Variants in PDE3B observed in about 807,000 individuals in gnomAD.
The protein encoded by PDE3B is cGMP-inhibited 3',5'-cyclic phosphodiesterase 3B.
PDE3B carries 66 observed loss-of-function variants against 116.8 expected under a neutral mutation model. The ratio of observed to expected loss-of-function variants is 0.56; its 90% CI spans 0.46 to 0.69. The LOEUF (loss-of-function observed/expected upper bound fraction) is 0.69, where lower values mean the gene tolerates loss of function less well. Among genes scored for constraint, PDE3B ranks in the 30% least tolerant of loss-of-function variants. The pLI is 0.00. For synonymous variants in PDE3B, 595 were observed against 533.6 expected, an observed-to-expected ratio of 1.12 and a Z score of -1.59; for missense variants, 1,384 against 1,368.1, an observed-to-expected ratio of 1.01 and a Z score of -0.18.
intron 1 of PDE3B, among the ~76,000 whole-genome samples, chr11:14,654,479 T>C (rs936200912): frequency 6.6e-6 from 1 of 152,024 alleles, no homozygotes; most frequent in Non-Finnish European, 1.5e-5. Flanking sequence ...AAGTGCAAGC[T>C]AAAACAATTT....
At chr11:14,729,497 T>C (rs781517153) in intron 1 of PDE3B, among the ~76,000 whole-genome samples, 1 of 152,214 alleles carries the variant, frequency 6.6e-6, no homozygotes. Context: ...ACTGCCACCT[T>C]TGTTTACTTC....
chr11:14,721,259 A>C (rs1306819396), intron 1 of PDE3B, among the ~76,000 whole-genome samples: 6 of 152,296 alleles, frequency 3.9e-5, no homozygotes, highest in African/African-American at 1.4e-4. Flanking sequence ...GCAATCATTA[A>C]AAAGTCAGGA....
intron 1 of PDE3B, among the ~76,000 whole-genome samples, chr11:14,683,157 C>G (rs1276514161): frequency 1.3e-5 from 2 of 152,130 alleles, no homozygotes; most frequent in African/African-American, 4.8e-5. Flanking sequence ...TCAGGCTGGT[C>G]TTGAACTCCT....
chr11:14,702,676 T>G (rs1855400801), intron 1 of PDE3B, among the ~76,000 whole-genome samples: 1 of 151,834 alleles, frequency 6.6e-6, no homozygotes, highest in Non-Finnish European at 1.5e-5. Flanking sequence ...TTAAGTAAAA[T>G]TAGAGATTCA....
intron 1 of PDE3B, among the ~76,000 whole-genome samples, chr11:14,688,097 TTC>T (rs1189714115): frequency 2.6e-5 from 3 of 115,828 alleles, no homozygotes; most frequent in South Asian, 2.6e-4. Context: ...CTTTCTTTCT[TTC>T]TCTCTCTCTC....
intron 1 of PDE3B, among the ~76,000 whole-genome samples, chr11:14,665,464 G>C (rs1398671987): frequency 6.6e-6 from 1 of 152,196 alleles, no homozygotes; most frequent in African/African-American, 2.4e-5. Flanking sequence ...ATTAGGAAAA[G>C]AGGAAGTCAA....
At chr11:14,796,166 G>A (rs112315787) in intron 4 of PDE3B, among the ~76,000 whole-genome samples, 2 of 152,086 alleles carry the variant, frequency 1.3e-5, no homozygotes, top group Non-Finnish European at 2.9e-5. Context: ...GAGAATGATG[G>A]TTTCCAGCTT....
At chr11:14,877,352 A>G in the PDE3B span, 4 of 152,308 alleles carry the variant, frequency 2.6e-5, no homozygotes, top group South Asian at 4.1e-4. Context: ...AAAAGATATA[A>G]GTGAATTCGA....
chr11:14,788,369 T>A (rs1249947210), intron 3 of PDE3B, among the ~76,000 whole-genome samples: 1 of 151,942 alleles, frequency 6.6e-6, no homozygotes, highest in Non-Finnish European at 1.5e-5. Context: ...TAAAGGACTT[T>A]TTCACTGCAG....
At chr11:14,723,173 G>C (rs1856173915) in intron 1 of PDE3B, among the ~76,000 whole-genome samples, 1 of 152,158 alleles carries the variant, frequency 6.6e-6, no homozygotes, top group Non-Finnish European at 1.5e-5. Context: ...GAATTGTATT[G>C]AGTACTTCAG....
chr11:14,867,105 A>G (rs1848061095), intron 14 of PDE3B, among the ~76,000 whole-genome samples: 1 of 151,936 alleles, frequency 6.6e-6, no homozygotes, highest in African/African-American at 2.4e-5. Context: ...GTTATTGAAA[A>G]GCACTTGCAA....
At chr11:14,805,434 T>C (rs1807441596) in intron 5 of PDE3B, among the ~76,000 whole-genome samples, 1 of 152,236 alleles carries the variant, frequency 6.6e-6, no homozygotes, top group Admixed American at 6.5e-5. Flanking sequence ...TTTTTTTTAG[T>C]ATCCTCACTT....
intron 1 of PDE3B, among the ~76,000 whole-genome samples, chr11:14,677,533 T>C (rs1057506127): frequency 2.0e-5 from 3 of 152,232 alleles, no homozygotes; most frequent in Non-Finnish European, 4.4e-5. Flanking sequence ...TTTTTTTTAA[T>C]TTAAAATAAA....
chr11:14,844,438 T>A (rs1847544222), intron 12 of PDE3B, among the ~76,000 whole-genome samples: 1 of 152,196 alleles, frequency 6.6e-6, no homozygotes, highest in Admixed American at 6.5e-5. Context: ...TGCATTTCCA[T>A]CGGAGGTACC....
At chr11:14,879,093 G>T in the PDE3B span, 2 of 1,569,418 alleles carry the variant, frequency 1.3e-6, no homozygotes, top group Non-Finnish European at 1.8e-6. Flanking sequence ...CTAAAGTTAC[G>T]CCCCGTGAAA....
chr11:14,669,232 A>C (rs1854288387), intron 1 of PDE3B, among the ~76,000 whole-genome samples: 1 of 152,010 alleles, frequency 6.6e-6, no homozygotes, highest in Non-Finnish European at 1.5e-5. Context: ...ACCAGAGGTG[A>C]TTTTACATGA....
chr11:14,866,614 G>A (rs1274361890), intron 14 of PDE3B, among the ~76,000 whole-genome samples: 8 of 151,990 alleles, frequency 5.3e-5, no homozygotes, highest in African/African-American at 7.2e-5. Context: ...AGTTAATCAC[G>A]GGGACAGTTT....
At chr11:14,659,174 A>T (rs1280220453) in intron 1 of PDE3B, among the ~76,000 whole-genome samples, 1 of 152,202 alleles carries the variant, frequency 6.6e-6, no homozygotes, top group Non-Finnish European at 1.5e-5. Flanking sequence ...ATGGAAACTA[A>T]TGCAGGACAT....
intron 1 of PDE3B, chr11:14,674,262 T>C: frequency 8.7e-7 from 1 of 1,151,930 alleles, no homozygotes; most frequent in Non-Finnish European, 1.3e-6. Flanking sequence ...GGAGACCAGA[T>C]GTCTTCTTTC....
Sources: allele counts gnomAD v4.1 joint callset (sites outside exome capture counted in the v4.1 genomes callset), GRCh38; gene constraint gnomAD v4.1.1; transcripts MANE v1.5; gene names NCBI Gene and HGNC (gene_info 2026-07-23, HGNC 2026-07-21).